The following BAZ2B variants were observed in gnomAD, a reference collection of about 807,000 sequenced individuals.
BAZ2B encodes bromodomain adjacent to zinc finger domain 2B.
BAZ2B carries 91 observed loss-of-function variants against 246.0 expected under a neutral mutation model. The ratio of observed to expected loss-of-function variants is 0.37; its 90% confidence interval spans 0.31 to 0.44. The LOEUF is 0.44. Among genes scored for constraint, BAZ2B ranks in the 20% least tolerant of loss-of-function variants. BAZ2B has a pLI of 1.00. For synonymous variants in BAZ2B, 855 were observed against 860.0 expected (o/e 0.99, Z 0.10); for missense variants, 2,332 against 2,533.7 (o/e 0.92, Z 1.71).
chr2:159,579,084 G>A (rs1054385663), intron 1 of BAZ2B, among the ~76,000 whole-genome samples: 4 of 152,100 alleles, frequency 2.6e-5, no homozygotes, highest in African/African-American at 9.7e-5. Context: ...GAGCAGAACT[G>A]AAGGAGACAG....
chr2:159,389,520 A>T, intron 20 of BAZ2B, 35 bp from the exon 21 acceptor site: 1 of 1,521,936 alleles, frequency 6.6e-7, no homozygotes. Flanking sequence ...TATTCTTCTT[A>T]ATCATTATAT....
the BAZ2B span, among the ~76,000 whole-genome samples, chr2:159,666,483 A>C: frequency 1.3e-4 from 19 of 151,312 alleles, no homozygotes; most frequent in Non-Finnish European, 1.3e-4. Flanking sequence ...CTGGTCTCAA[A>C]CTCCTGGGCT....
At chr2:159,691,888 A>G in the BAZ2B span, among the ~76,000 whole-genome samples, 1 of 152,212 alleles carries the variant, frequency 6.6e-6, no homozygotes, top group Non-Finnish European at 1.5e-5. Flanking sequence ...GCTCACCACA[A>G]TAGCAATAGG....
At chr2:159,361,441 T>G (rs535937436) in intron 27 of BAZ2B, among the ~76,000 whole-genome samples, 2 of 152,140 alleles carry the variant, frequency 1.3e-5, no homozygotes, top group African/African-American at 4.8e-5. Flanking sequence ...CATTAAAAAG[T>G]CAGGAAACAA....
At chr2:159,491,926 T>G (rs975422926) in intron 2 of BAZ2B, among the ~76,000 whole-genome samples, 4 of 152,030 alleles carry the variant, frequency 2.6e-5, no homozygotes, top group Non-Finnish European at 4.4e-5. Context: ...AATTCTTCTT[T>G]TTATTTCTCT....
chr2:159,635,327 C>T, the BAZ2B span, among the ~76,000 whole-genome samples: 1 of 151,304 alleles, frequency 6.6e-6, no homozygotes, highest in Non-Finnish European at 1.5e-5. Flanking sequence ...GCTGTTGCTA[C>T]TTTTACAGAG....
chr2:159,679,928 T>A, the BAZ2B span, among the ~76,000 whole-genome samples: 2 of 152,242 alleles, frequency 1.3e-5, no homozygotes, highest in African/African-American at 2.4e-5. Flanking sequence ...AGGCAGTAAT[T>A]ACTACATAAT....
chr2:159,686,993 G>A, the BAZ2B span, among the ~76,000 whole-genome samples: 27 of 134,930 alleles, frequency 2.0e-4, no homozygotes, highest in Admixed American at 5.8e-4. Flanking sequence ...AGTGAGCCGA[G>A]ATTGCGCCAC....
chr2:159,642,517 G>C, the BAZ2B span, among the ~76,000 whole-genome samples: 1 of 152,046 alleles, frequency 6.6e-6, no homozygotes, highest in African/African-American at 2.4e-5. Context: ...GGGATTACAG[G>C]TGTAAGCCAG....
At chr2:159,367,411 C>T (rs562549267) in intron 27 of BAZ2B, among the ~76,000 whole-genome samples, 141 of 152,232 alleles carry the variant, frequency 9.3e-4, no homozygotes, top group African/African-American at 3.2e-3. Context: ...TCTTGTACAA[C>T]ACGAATTTAA....
At chr2:159,518,981 T>C (rs2083741313) in intron 2 of BAZ2B, among the ~76,000 whole-genome samples, 1 of 152,038 alleles carries the variant, frequency 6.6e-6, no homozygotes, top group South Asian at 2.1e-4. Context: ...CATACAACAG[T>C]TTTCTCAATA....
intron 27 of BAZ2B, among the ~76,000 whole-genome samples, chr2:159,365,037 T>C (rs1228951353): frequency 1.3e-5 from 2 of 152,224 alleles, no homozygotes; most frequent in African/African-American, 4.8e-5. Context: ...TATACACCTT[T>C]GGGGTTACTG....
intron 2 of BAZ2B, chr2:159,555,454 T>A (rs1221177729): frequency 1.3e-5 from 2 of 152,166 alleles, no homozygotes; most frequent in Non-Finnish European, 2.9e-5. Context: ...TAATTTACTT[T>A]TATATATATT....
intron 27 of BAZ2B, among the ~76,000 whole-genome samples, chr2:159,357,006 T>C (rs1173155221): frequency 6.6e-6 from 1 of 151,942 alleles, no homozygotes; most frequent in Admixed American, 6.6e-5. Flanking sequence ...GATAAATCCA[T>C]GAAGATGAAG....
intron 19 of BAZ2B, chr2:159,396,362 G>A (rs1310695512): frequency 6.6e-6 from 1 of 152,026 alleles, no homozygotes; most frequent in Non-Finnish European, 1.5e-5. Context: ...ATAAATTAGA[G>A]TTTTTTTAAG....
chr2:159,368,000 C>T (rs181402529), intron 27 of BAZ2B, among the ~76,000 whole-genome samples: 49 of 152,314 alleles, frequency 3.2e-4, no homozygotes, highest in Non-Finnish European at 5.3e-4. Context: ...ACTTACTGAT[C>T]TTTATCAGCC....
intron 2 of BAZ2B, among the ~76,000 whole-genome samples, chr2:159,535,191 C>T (rs1310628791): frequency 7.0e-6 from 1 of 143,390 alleles, no homozygotes; most frequent in African/African-American, 3.0e-5. Flanking sequence ...TCTATATACT[C>T]ATGGACTTTG....
rs760285041 is a variant in BAZ2B, at chr2:159,350,041, G to A, written c.4530C>T (p.Ser1510=). The change falls in exon 28 of 37, where the codon AGC becomes AGT. Residue 1510 remains serine (S), a synonymous_variant. Coordinates refer to ENST00000392783, the MANE Select transcript of BAZ2B (RefSeq NM_013450.4). ...TGCTTTGCGTTGCTGTTGACTGAACGCTGCCCAGTGAATGTTTTCCACTGT... is the reference window on the plus strand; with the variant it reads ...TGCTTTGCGTTGCTGTTGACTGAACACTGCCCAGTGAATGTTTTCCACTGT... ...YQNSGKHSLG[S]VQSTATQSNV... 53 of 1,613,956 alleles carry A rather than the reference G, an allele frequency of 3.3e-5. No homozygotes were observed. The highest frequency in any genetic ancestry group is 1.6e-4 in the Middle Eastern group (1 of 6,084).
chr2:159,609,611 G>GTT (rs1694268207), intron 1 of BAZ2B, among the ~76,000 whole-genome samples: 1 of 152,060 alleles, frequency 6.6e-6, no homozygotes, highest in African/African-American at 2.4e-5. Context: ...TATAATCTAG[G>GTT]TTTGTTTGGT....
Sources: allele counts gnomAD v4.1 joint callset (sites outside exome capture counted in the v4.1 genomes callset), GRCh38; gene constraint gnomAD v4.1.1; transcripts MANE v1.5; gene names NCBI Gene and HGNC (gene_info 2026-07-23, HGNC 2026-07-21).